TEX11: variants seen among roughly 807,000 people sequenced by gnomAD.
The protein encoded by TEX11 is testis expressed 11, also known as testis-expressed protein 11.
In TEX11, 7 loss-of-function variants were observed where a neutral mutation model predicts 84.4. The observed-to-expected ratio is 0.08, with a 90% CI of 0.05 to 0.16. The LOEUF (loss-of-function observed/expected upper bound fraction) is 0.16. Ranked by LOEUF, TEX11 falls within the 10% of genes least tolerant of loss-of-function variation. The pLI, the probability that TEX11 is intolerant of heterozygous loss-of-function variation, is 1.00. For missense variants in TEX11, 551 were observed against 660.5 expected (o/e 0.83, Z 1.82); for synonymous variants, 264 against 222.8 (o/e 1.18, Z -1.64).
At chrX:70,609,429 A>C (rs762860095) in intron 21 of TEX11, among the ~76,000 whole-genome samples, 6 of 112,374 alleles carry the variant, frequency 5.3e-5, no homozygotes, top group Non-Finnish European at 9.4e-5. Context: ...TAGTGCAATC[A>C]TTCACCACCT....
chrX:70,561,766 A>G (rs2088378905), intron 25 of TEX11, among the ~76,000 whole-genome samples: 1 of 112,051 alleles, frequency 8.9e-6, no homozygotes, highest in African/African-American at 3.2e-5. Context: ...TTGCATATAC[A>G]TAATACATAC....
At chrX:70,525,023 T>C (rs1296036270), downstream of TEX11, among the ~76,000 whole-genome samples, 1 of 109,964 alleles carries the variant, frequency 9.1e-6, no homozygotes, top group Non-Finnish European at 1.9e-5. Context: ...AAAATAATAA[T>C]AAAAAAAATT....
chrX:70,547,862 A>G (rs980579448), intron 28 of TEX11, among the ~76,000 whole-genome samples: 6 of 111,985 alleles, frequency 5.4e-5, no homozygotes, highest in African/African-American at 9.7e-5. Context: ...TCAGTGTGGC[A>G]ATTCCTCAGG....
At chrX:70,563,486 T>C (rs1451945994) in intron 25 of TEX11, among the ~76,000 whole-genome samples, 1 of 112,050 alleles carries the variant, frequency 8.9e-6, no homozygotes, top group African/African-American at 3.2e-5. Flanking sequence ...AGAGGCAGCA[T>C]GGAGAGAGTG....
rs775945378 is a variant in TEX11, at chrX:70,655,665, C to A, written c.1381-4113G>T. Among the ~76,000 whole-genome samples the A allele has an allele frequency of 3.6e-5, 4 of 110,796 alleles. No homozygotes were observed. The South Asian group carries it at 1.5e-3, about 42-fold the overall frequency. On this transcript the variant is annotated intron_variant, in intron 16 of 29. Coordinates refer to ENST00000374333, the MANE Select transcript of TEX11 (RefSeq NM_031276.3). Reference sequence around the variant, plus strand: ...TTACAAAAAGTGACCATTTACCTAACCATTAAGCAAATCTAGTCTAGGAAG... The same window carrying A: ...TTACAAAAAGTGACCATTTACCTAAACATTAAGCAAATCTAGTCTAGGAAG...
chrX:70,721,168 G>A (rs928579051), intron 13 of TEX11, among the ~76,000 whole-genome samples: 3 of 111,587 alleles, frequency 2.7e-5, no homozygotes, highest in Non-Finnish European at 3.8e-5. Context: ...ATCAGTAAAT[G>A]TTAGCTTTTG....
chrX:70,798,029 G>GC (rs910787638), intron 9 of TEX11, among the ~76,000 whole-genome samples: 16 of 100,883 alleles, frequency 1.6e-4, no homozygotes, highest in Non-Finnish European at 2.8e-4. Context: ...CAAGATGAGG[G>GC]GGGGGGAAAG....
At chrX:70,705,758 G>A in intron 13 of TEX11, among the ~76,000 whole-genome samples, 1 of 111,557 alleles carries the variant, frequency 9.0e-6, no homozygotes, top group Non-Finnish European at 1.9e-5. Context: ...ACCACAATGA[G>A]ATACCATCTC....
chrX:70,577,874 C>T (rs1186212098), intron 25 of TEX11, among the ~76,000 whole-genome samples: 1 of 110,034 alleles, frequency 9.1e-6, no homozygotes, highest in African/African-American at 3.3e-5. Context: ...ATTACAGGTA[C>T]CCACCACCAC....
chrX:70,559,669 T>C (rs956144779), intron 25 of TEX11, among the ~76,000 whole-genome samples: 3 of 112,592 alleles, frequency 2.7e-5, no homozygotes, highest in Non-Finnish European at 3.8e-5. Context: ...AATATTTTTG[T>C]ATGCTATCAG....
At chrX:70,586,825 A>G (rs2088858621) in intron 25 of TEX11, among the ~76,000 whole-genome samples, 1 of 112,179 alleles carries the variant, frequency 8.9e-6, no homozygotes, top group South Asian at 3.7e-4. Context: ...GAACTGGGTG[A>G]CAGGTAAGAG....
intron 27 of TEX11, among the ~76,000 whole-genome samples, 198 bp downstream of exon 27, chrX:70,553,108 G>A (rs997518840): frequency 3.6e-5 from 4 of 110,976 alleles, no homozygotes; most frequent in African/African-American, 1.3e-4. Context: ...TTCTCCTTTG[G>A]GAAAACCAAG....
intron 13 of TEX11, among the ~76,000 whole-genome samples, chrX:70,705,613 GA>G (rs1375994673): frequency 9.0e-6 from 1 of 111,131 alleles, no homozygotes; most frequent in African/African-American, 3.3e-5. Context: ...AAATTTACAA[GA>G]AAAAAACAAA....
intron 8 of TEX11, among the ~76,000 whole-genome samples, chrX:70,817,913 A>G (rs1023286284): frequency 8.0e-5 from 9 of 111,831 alleles, no homozygotes; most frequent in African/African-American, 2.9e-4. Flanking sequence ...AACACATAGA[A>G]GTCAAGTAAC....
chrX:70,657,470 A>G (rs1412950328), intron 16 of TEX11, among the ~76,000 whole-genome samples: 2 of 106,609 alleles, frequency 1.9e-5, no homozygotes, highest in Non-Finnish European at 4.0e-5. Context: ...AAAAAAAAGC[A>G]GCAGCAGCAT....
intron 13 of TEX11, among the ~76,000 whole-genome samples, chrX:70,696,532 C>T (rs1389000276): frequency 1.8e-5 from 2 of 111,565 alleles, no homozygotes; most frequent in Non-Finnish European, 3.8e-5. Context: ...ATTTGGGAGG[C>T]CAAGACAGGA....
chrX:70,884,022 C>T (rs1219974954), intron 2 of TEX11, among the ~76,000 whole-genome samples: 2 of 111,836 alleles, frequency 1.8e-5, no homozygotes, highest in African/African-American at 6.5e-5. Context: ...CTCCAAGTCA[C>T]AATAATTATA....
chrX:70,580,528 T>G (rs1276084172), intron 25 of TEX11, among the ~76,000 whole-genome samples: 3 of 112,397 alleles, frequency 2.7e-5, no homozygotes, highest in African/African-American at 9.7e-5. Context: ...ACGCATGGCA[T>G]GCCTGTATCA....
intron 28 of TEX11, among the ~76,000 whole-genome samples, chrX:70,531,495 T>G (rs73216758): frequency 0.11 from 12,150 of 108,888 alleles, 563 homozygotes; most frequent in Middle Eastern, 0.18. Flanking sequence ...GTTGTGATTT[T>G]AATGTTGTGA....
Sources: gnomAD v4.1 joint callset for allele counts (sites outside exome capture counted in the v4.1 genomes callset) on GRCh38, gnomAD v4.1.1 for gene constraint, MANE v1.5 for transcripts, NCBI Gene and HGNC (gene_info 2026-07-23, HGNC 2026-07-21) for gene names.